The following INSL6 variants were observed in gnomAD, a reference collection of about 807,000 sequenced individuals.
INSL6 encodes insulin-like peptide INSL6.
A neutral mutation model predicts 9.4 loss-of-function variants in INSL6; 16 were observed. The ratio of observed to expected loss-of-function variants is 1.70; its 90% confidence interval spans 1.15 to 2.59. The LOEUF (loss-of-function observed/expected upper bound fraction) is 2.59, where lower values mean the gene tolerates loss of function less well. Ranked by LOEUF, INSL6 falls within the 30% of genes most tolerant of loss-of-function variation. The pLI is 0.00. For synonymous variants in INSL6, 154 were observed against 96.9 expected (o/e 1.59, Z -3.46); for missense variants, 391 against 257.3 (o/e 1.52, Z -3.56).
At chr9:5,132,355 G>A (rs1307782684) in intron 3 of INSL6, among the ~76,000 whole-genome samples, 1 of 152,010 alleles carries the variant, frequency 6.6e-6, no homozygotes, top group Non-Finnish European at 1.5e-5. Context: ...CACATTTAAT[G>A]GGAATTTTTT....
At chr9:5,167,450 T>C (rs1282021084) in intron 1 of INSL6, among the ~76,000 whole-genome samples, 1 of 152,208 alleles carries the variant, frequency 6.6e-6, no homozygotes, top group Admixed American at 6.5e-5. Context: ...CCAGTGCAGT[T>C]TGGATGGGGA....
chr9:5,107,676 A>G, the INSL6 span, among the ~76,000 whole-genome samples: 1 of 152,206 alleles, frequency 6.6e-6, no homozygotes, highest in Non-Finnish European at 1.5e-5. Flanking sequence ...ACCATATACC[A>G]TATCACTACT....
chr9:5,069,338 C>T, the INSL6 span: 1 of 613,524 alleles, frequency 1.6e-6, no homozygotes, highest in Non-Finnish European at 2.8e-6. Context: ...TTATCTTATT[C>T]TATTGTACAA....
chr9:5,139,626 T>A (rs1334873425), intron 2 of INSL6, among the ~76,000 whole-genome samples: 2 of 152,156 alleles, frequency 1.3e-5, no homozygotes, highest in African/African-American at 4.8e-5. Context: ...AGAGTGCTAC[T>A]GGAGTGGTAG....
the INSL6 span, among the ~76,000 whole-genome samples, chr9:5,029,597 T>G: frequency 6.6e-6 from 1 of 152,182 alleles, no homozygotes; most frequent in African/African-American, 2.4e-5. Flanking sequence ...GAAGTATGTT[T>G]GTATAAAAAA....
At chr9:5,013,222 A>T in the INSL6 span, among the ~76,000 whole-genome samples, 11 of 150,578 alleles carry the variant, frequency 7.3e-5, no homozygotes, top group African/African-American at 2.4e-4. Flanking sequence ...CTTTTGTGAT[A>T]AAAAAAAATA....
At chr9:5,020,978 T>C in the INSL6 span, among the ~76,000 whole-genome samples, 1 of 152,038 alleles carries the variant, frequency 6.6e-6, no homozygotes, top group Admixed American at 6.5e-5. Context: ...TCTAAAGCAA[T>C]GTCATTGTGC....
the INSL6 span, among the ~76,000 whole-genome samples, chr9:5,005,083 ATTTTTTTTTTTTTTTTTTTT>A: frequency 0.019 from 750 of 39,954 alleles, 27 homozygotes; most frequent in Middle Eastern, 0.037. Context: ...TGCCTGGCTA[ATTTTTTTTTTTTTTTTTTTT>A]TTTTTTTTTT....
chr9:5,095,826 C>T, the INSL6 span, among the ~76,000 whole-genome samples: 3 of 152,236 alleles, frequency 2.0e-5, no homozygotes, highest in Admixed American at 6.5e-5. Context: ...CAAACGTTAC[C>T]ATTATAAATC....
At chr9:5,046,285 A>G in the INSL6 span, among the ~76,000 whole-genome samples, 1 of 152,172 alleles carries the variant, frequency 6.6e-6, no homozygotes. Flanking sequence ...GTTATATTAT[A>G]GAAATTATTA....
the INSL6 span, among the ~76,000 whole-genome samples, chr9:5,037,416 A>G: frequency 6.6e-6 from 1 of 152,232 alleles, no homozygotes; most frequent in African/African-American, 2.4e-5. Context: ...ACGTATGTTT[A>G]TTGCGGCACT....
intron 3 of INSL6, among the ~76,000 whole-genome samples, chr9:5,132,421 G>C (rs1824308937): frequency 6.6e-6 from 1 of 152,006 alleles, no homozygotes; most frequent in Admixed American, 6.6e-5. Context: ...TGGAAGGTGA[G>C]AGTATGGACA....
At chr9:5,130,701 C>CTTTTTTTTATTTTTTTTATTTTTTATTT (rs1824257509) in intron 3 of INSL6, among the ~76,000 whole-genome samples, 2 of 150,462 alleles carry the variant, frequency 1.3e-5, no homozygotes, top group Non-Finnish European at 3.0e-5. Flanking sequence ...TATGAATTTT[C>CTTTTTTTTATTTTTTTTATTTTTTATTT]TTTTTTTTAT....
At chr9:5,171,820 T>C (rs1825188538) in intron 1 of INSL6, among the ~76,000 whole-genome samples, 1 of 152,042 alleles carries the variant, frequency 6.6e-6, no homozygotes, top group South Asian at 2.1e-4. Flanking sequence ...TACAAACCAC[T>C]GCTCAAGGAA....
chr9:5,126,451 C>T, intron 3 of INSL6: 1 of 1,576,904 alleles, frequency 6.3e-7, no homozygotes, highest in Non-Finnish European at 8.7e-7. Flanking sequence ...GATGAGGTAA[C>T]AATTTTTTTT....
the INSL6 span, chr9:5,065,174 G>C: frequency 2.1e-6 from 1 of 470,818 alleles, no homozygotes; most frequent in Non-Finnish European, 3.6e-6. Context: ...AAGGCTATTT[G>C]CAATCAGATT....
At chr9:5,112,718 C>G in the INSL6 span, 2 of 807,948 alleles carry the variant, frequency 2.5e-6, no homozygotes, top group Non-Finnish European at 1.8e-6. Context: ...AGAGCGGAAC[C>G]TGAATCCCAA....
At chr9:5,065,861 A>C in the INSL6 span, among the ~76,000 whole-genome samples, 17 of 152,184 alleles carry the variant, frequency 1.1e-4, no homozygotes, top group Non-Finnish European at 2.5e-4. Context: ...ATTTGAGAAA[A>C]TACATCTTGG....
intron 3 of INSL6, chr9:5,126,553 C>A: frequency 1.1e-6 from 1 of 931,152 alleles, no homozygotes; most frequent in Non-Finnish European, 1.7e-6. Context: ...TCCAGATAAA[C>A]AGCATAATCA....
Sources: allele counts gnomAD v4.1 joint callset (sites outside exome capture counted in the v4.1 genomes callset), GRCh38; gene constraint gnomAD v4.1.1; transcripts MANE v1.5; gene names NCBI Gene and HGNC (gene_info 2026-07-23, HGNC 2026-07-21).